FBXO31: variants seen among roughly 807,000 people sequenced by gnomAD.
The protein encoded by FBXO31 is F-box protein 31.
In FBXO31, 24 loss-of-function variants were observed where a neutral mutation model predicts 54.4. The observed-to-expected ratio is 0.44, with a 90% CI of 0.32 to 0.62. FBXO31 has a LOEUF of 0.62. Among genes scored for constraint, FBXO31 ranks in the 20% least tolerant of loss-of-function variants. The pLI is 0.05. For missense variants in FBXO31, 665 were observed against 787.1 expected, an observed-to-expected ratio of 0.84 and a Z score of 1.86; for synonymous variants, 388 against 335.6, an observed-to-expected ratio of 1.16 and a Z score of -1.71.
intron 2 of FBXO31, among the ~76,000 whole-genome samples, chr16:87,359,404 T>C (rs1181152625): frequency 6.6e-6 from 1 of 152,166 alleles, no homozygotes; most frequent in African/African-American, 2.4e-5. Flanking sequence ...CATCCATGTG[T>C]ACACTCCTAT....
In FBXO31 at chr16:87,383,636, T is replaced by A. The variant is rs570698468; in HGVS notation, c.109A>T (p.Thr37Ser). The A allele has an allele frequency of 3.1e-5, 43 of 1,368,618 alleles. No homozygotes were observed. The South Asian group carries it at 7.5e-4, about 24-fold the overall frequency. 84.8% of individuals were successfully genotyped at this position (1,368,618 alleles called of 1,614,324 possible). The part of the protein sequence containing the change: ...ETAAADSEPD[T>S]DPEEERIEAS... ...TCGATGCGCTCCTCCTCGGGGTCTGTGTCCGGCTCGCTGTCGGCCGCCGCC... is the reference window on the plus strand; with the variant it reads ...TCGATGCGCTCCTCCTCGGGGTCTGAGTCCGGCTCGCTGTCGGCCGCCGCC... The change falls in exon 1 of 9, where the codon ACA becomes TCA. Residue 37 changes from threonine to serine, a missense_variant. Around this residue, in one of 4 missense-constraint regions of FBXO31, gnomAD observed 195 missense variants for 174.8 expected, o/e 1.12. Transcript: ENST00000311635. The surrounding 1 kb of genome is among the most constrained non-coding windows in gnomAD (Gnocchi z 4.9).
intron 2 of FBXO31, among the ~76,000 whole-genome samples, chr16:87,360,081 A>G (rs752206599): frequency 3.3e-5 from 5 of 152,180 alleles, no homozygotes; most frequent in African/African-American, 7.2e-5. Flanking sequence ...GGTAAAAGAC[A>G]CTAGTATCTA....
chr16:87,365,147 G>A (rs1597373929), intron 1 of FBXO31, among the ~76,000 whole-genome samples: 1 of 149,330 alleles, frequency 6.7e-6, no homozygotes, highest in East Asian at 2.0e-4. Context: ...ATTCAAACTG[G>A]GAGTAGAAGG....
At chr16:87,390,339 C>T (rs1367850595), upstream of FBXO31, among the ~76,000 whole-genome samples, 1 of 152,174 alleles carries the variant, frequency 6.6e-6, no homozygotes, top group South Asian at 2.1e-4. Flanking sequence ...TAACGTCATT[C>T]TTCTGATGGT....
intron 1 of FBXO31, among the ~76,000 whole-genome samples, chr16:87,369,004 G>C (rs562072329): frequency 6.6e-6 from 1 of 152,222 alleles, no homozygotes; most frequent in Non-Finnish European, 1.5e-5. Flanking sequence ...GTTTCGCCAT[G>C]TCTCGAACTC....
In FBXO31 at chr16:87,338,822, C is replaced by T. The variant is rs1905108071; in HGVS notation, c.733-2558G>A. Reference sequence around the variant, plus strand: ...CTGCTTGATGTGGTTTGGCTGTGTCCCCACCCAAATCTCATCTTGAACTGT... The same window carrying T: ...CTGCTTGATGTGGTTTGGCTGTGTCTCCACCCAAATCTCATCTTGAACTGT... On this transcript the variant is annotated intron_variant, in intron 5 of 8. Coordinates refer to ENST00000311635, the MANE Select transcript of FBXO31 (RefSeq NM_024735.5). This position sits in a 1 kb window ranked among gnomAD's most constrained non-coding sequence, Gnocchi z 4.3. 6.6e-6 allele frequency among the ~76,000 whole-genome samples: 1 copy of T among 152,082 alleles called. No homozygotes were observed. The highest frequency in any genetic ancestry group is 2.4e-5 in the African/African-American group (1 of 41,400).
At chr16:87,349,753 A>C (rs751388726) in intron 2 of FBXO31, among the ~76,000 whole-genome samples, 8 of 151,416 alleles carry the variant, frequency 5.3e-5, no homozygotes, top group Non-Finnish European at 1.2e-4. Context: ...TTTTAAAATA[A>C]ATTTCCATCA....
intron 2 of FBXO31, among the ~76,000 whole-genome samples, chr16:87,350,338 G>A (rs1597367203): frequency 6.6e-6 from 1 of 152,296 alleles, no homozygotes; most frequent in East Asian, 1.9e-4. Flanking sequence ...ATTCAGCCCA[G>A]ACCATGGTTT....
chr16:87,343,457 C>G (rs1298060097), intron 4 of FBXO31, 141 bp downstream of exon 4: 1 of 1,012,078 alleles, frequency 9.9e-7, no homozygotes, highest in Admixed American at 2.6e-5. Flanking sequence ...CAATGCACAG[C>G]AGGGCAGGGC....
rs1035180042 is a variant in FBXO31 at position 87,376,073 on chromosome 16, T to C, written c.340+7332A>G. Among the ~76,000 whole-genome samples the C allele has an allele frequency of 7.9e-5, 12 of 152,052 alleles. No individual in the cohort carries two copies. The East Asian group carries it at 1.7e-3, about 22-fold the overall frequency. On this transcript the variant is annotated intron_variant, in intron 1 of 8. Transcript: ENST00000311635. ...TAACCACCTCATTTCCAGTTGCCAG[T>C]GTATTCCCCCTGCCCTCCACTGCCA...
At position 87,360,335 on chromosome 16, in the gene FBXO31, C is replaced by T. The variant is rs773602385; in HGVS notation, c.372G>A (p.Leu124=). 2 of 1,614,210 alleles carry T rather than the reference C, an allele frequency of 1.2e-6. No individual in the cohort carries two copies. Among genetic ancestry groups the T allele is most frequent in the Non-Finnish European group, 1.7e-6 (2 of 1,180,044 alleles). Reference sequence around the variant, plus strand: ...CCCGACAAGACACGCCTGTGATCTCCAGCTTCCGCAAGTTTTCGCAAACAC... The same window carrying T: ...CCCGACAAGACACGCCTGTGATCTCTAGCTTCCGCAAGTTTTCGCAAACAC... The part of the protein sequence containing the change: ...EYGVCENLRK[L]EITGVSCRDV... Residue 124 remains leucine, a synonymous_variant, in exon 2 of 9, where the codon CTG becomes CTA. Coordinates refer to ENST00000311635, the MANE Select transcript of FBXO31 (RefSeq NM_024735.5).
At chr16:87,334,808 T>C (rs71390887) in intron 7 of FBXO31, among the ~76,000 whole-genome samples, 5 of 152,160 alleles carry the variant, frequency 3.3e-5, no homozygotes, top group African/African-American at 1.2e-4. Context: ...CCAGGAGCCC[T>C]GGCATGGGAC....
In FBXO31 at chr16:87,373,667, G is replaced by C. The variant is rs866614117; in HGVS notation, c.340+9738C>G. Among the ~76,000 whole-genome samples, 6 of 151,818 alleles carry C rather than the reference G, an allele frequency of 4.0e-5. No homozygotes were observed. In the South Asian group the frequency reaches 6.2e-4, roughly 16 times the overall value. Reference sequence around the variant, plus strand: ...CCTCCCTCAGCCTCCGGAGGAACTGGGACTACAGGTGTGCACCACCACACC... The same window carrying C: ...CCTCCCTCAGCCTCCGGAGGAACTGCGACTACAGGTGTGCACCACCACACC... On this transcript the variant is annotated intron_variant, in intron 1 of 8. Transcript: ENST00000311635.
At chr16:87,339,026 C>T (rs955769566) in intron 5 of FBXO31, among the ~76,000 whole-genome samples, 3 of 152,202 alleles carry the variant, frequency 2.0e-5, no homozygotes, top group Non-Finnish European at 4.4e-5. Context: ...ATGTAAGATG[C>T]GCCTTTCGCC....
chr16:87,340,017 T>A (rs192441929), intron 5 of FBXO31, among the ~76,000 whole-genome samples: 11 of 152,302 alleles, frequency 7.2e-5, no homozygotes, highest in Admixed American at 5.9e-4. Context: ...GCGCGGTGGC[T>A]CGCGCCTGTA....
At chr16:87,377,289 T>C (rs1480919259) in intron 1 of FBXO31, among the ~76,000 whole-genome samples, 2 of 152,020 alleles carry the variant, frequency 1.3e-5, no homozygotes, top group Non-Finnish European at 1.5e-5. Context: ...TATAAAAAGA[T>C]ACAAAAATTA....
At chr16:87,368,624 CTTTTT>C (rs201112757) in intron 1 of FBXO31, among the ~76,000 whole-genome samples, 4 of 133,702 alleles carry the variant, frequency 3.0e-5, no homozygotes, top group South Asian at 4.9e-4. Flanking sequence ...AATCTATTTC[CTTTTT>C]TTTTTTTTTT....
At chr16:87,365,574 G>C (rs1034042662) in intron 1 of FBXO31, among the ~76,000 whole-genome samples, 21 of 152,198 alleles carry the variant, frequency 1.4e-4, no homozygotes, top group African/African-American at 5.1e-4. Flanking sequence ...AAGATACCCG[G>C]GATGGCTGGA....
At chr16:87,386,145 AC>A (rs55939039), upstream of FBXO31, 85,103 of 150,450 alleles carry the variant, frequency 0.57, 26,833 homozygotes, top group African/African-American at 0.8. Context: ...GAGATCAGGG[AC>A]CTCAGGAGGC....
Sources: allele counts gnomAD v4.1 joint callset (sites outside exome capture counted in the v4.1 genomes callset), GRCh38; gene constraint gnomAD v4.1.1; regional missense constraint gnomAD v4.1.1; non-coding constraint Gnocchi (gnomAD v3.1); transcripts MANE v1.5; gene names NCBI Gene and HGNC (gene_info 2026-07-23, HGNC 2026-07-21).